Variants in L3MBTL4 observed in about 807,000 individuals in gnomAD.
The protein encoded by L3MBTL4 is L3MBTL histone methyl-lysine binding protein 4.
A neutral mutation model predicts 84.5 loss-of-function variants in L3MBTL4; 70 were observed. The ratio of observed to expected loss-of-function variants is 0.83; its 90% CI spans 0.68 to 1.01. The LOEUF (loss-of-function observed/expected upper bound fraction) is 1.01, where lower values mean the gene tolerates loss of function less well. Ranked by LOEUF, L3MBTL4 falls within the 50% of genes least tolerant of loss-of-function variation. L3MBTL4 has a pLI of 0.00. For missense variants in L3MBTL4, 715 were observed against 754.8 expected (o/e 0.95, Z 0.62); for synonymous variants, 274 against 259.8 (o/e 1.05, Z -0.52).
intron 13 of L3MBTL4, among the ~76,000 whole-genome samples, chr18:6,162,608 C>T (rs1277330344): frequency 1.3e-5 from 2 of 152,130 alleles, no homozygotes; most frequent in Admixed American, 6.5e-5. Flanking sequence ...ATAAGATTAA[C>T]CCATTGACTC....
chr18:6,276,386 C>A (rs1047745043), intron 4 of L3MBTL4, among the ~76,000 whole-genome samples: 5 of 152,130 alleles, frequency 3.3e-5, no homozygotes, highest in African/African-American at 1.2e-4. Context: ...ATGAGACAGA[C>A]CCTGTGTTAG....
chr18:6,275,043 T>C (rs1162919088), intron 4 of L3MBTL4, among the ~76,000 whole-genome samples: 3 of 152,124 alleles, frequency 2.0e-5, no homozygotes, highest in African/African-American at 4.8e-5. Context: ...CAAAGGCATC[T>C]AAAGGAGACT....
intron 1 of L3MBTL4, among the ~76,000 whole-genome samples, chr18:6,332,971 G>A (rs899840748): frequency 2.6e-5 from 4 of 152,076 alleles, no homozygotes; most frequent in South Asian, 2.1e-4. Flanking sequence ...TAATCCCAAC[G>A]TTACTCTAAC....
chr18:6,322,084 T>G (rs544360610), intron 1 of L3MBTL4, among the ~76,000 whole-genome samples: 1 of 151,810 alleles, frequency 6.6e-6, no homozygotes, highest in Non-Finnish European at 1.5e-5. Context: ...AGGATGGGCA[T>G]GGTGGCTCAC....
At chr18:6,383,832 A>G (rs1379110827) in intron 1 of L3MBTL4, among the ~76,000 whole-genome samples, 1 of 152,212 alleles carries the variant, frequency 6.6e-6, no homozygotes, top group Non-Finnish European at 1.5e-5. Flanking sequence ...TACAATCTGC[A>G]TGAATGTTAT....
At chr18:6,342,027 CAACA>C (rs2052631271) in intron 1 of L3MBTL4, among the ~76,000 whole-genome samples, 1 of 152,044 alleles carries the variant, frequency 6.6e-6, no homozygotes, top group Admixed American at 6.6e-5. Context: ...ACTAAAAATA[CAACA>C]AAAGGTGTCC....
intron 4 of L3MBTL4, among the ~76,000 whole-genome samples, chr18:6,295,957 A>G (rs2050092676): frequency 6.6e-6 from 1 of 152,234 alleles, no homozygotes; most frequent in African/African-American, 2.4e-5. Context: ...CTGTATTAAT[A>G]GGACTTGAAT....
chr18:6,224,401 C>T (rs1374570127), intron 10 of L3MBTL4, among the ~76,000 whole-genome samples: 3 of 152,214 alleles, frequency 2.0e-5, no homozygotes, highest in Non-Finnish European at 4.4e-5. Flanking sequence ...GGGCTAAACA[C>T]AGACACTGGT....
chr18:6,303,811 G>A (rs936614370), intron 3 of L3MBTL4, among the ~76,000 whole-genome samples: 1 of 152,044 alleles, frequency 6.6e-6, no homozygotes. Flanking sequence ...TCAGGAGTTC[G>A]AGACCAGCCT....
chr18:6,247,474 T>G (rs1462882396), intron 5 of L3MBTL4, among the ~76,000 whole-genome samples: 1 of 129,356 alleles, frequency 7.7e-6, no homozygotes, highest in African/African-American at 3.1e-5. Flanking sequence ...TGATTTTTTT[T>G]TTTTTTTTTT....
chr18:6,322,452 AGGAT>A (rs1368467606), intron 1 of L3MBTL4, among the ~76,000 whole-genome samples: 11 of 125,914 alleles, frequency 8.7e-5, no homozygotes, highest in Non-Finnish European at 1.2e-4. Context: ...GAAAGAAGGA[AGGAT>A]GGAAGGAAGG....
At chr18:6,030,349 TAGCA>T (rs1252268822) in intron 16 of L3MBTL4, 1 of 974,878 alleles carries the variant, frequency 1.0e-6, no homozygotes, top group African/African-American at 2.1e-5. Context: ...AACAAATAGC[TAGCA>T]AAAATCCTAG....
intron 16 of L3MBTL4, among the ~76,000 whole-genome samples, chr18:5,995,629 T>C (rs911151865): frequency 6.6e-6 from 1 of 152,160 alleles, no homozygotes; most frequent in Non-Finnish European, 1.5e-5. Flanking sequence ...CCTTCGCACT[T>C]CTGGAGAGAC....
At chr18:6,253,556 G>A (rs1216544949) in intron 5 of L3MBTL4, among the ~76,000 whole-genome samples, 8 of 152,178 alleles carry the variant, frequency 5.3e-5, no homozygotes, top group Non-Finnish European at 1.0e-4. Flanking sequence ...TTAAGGTGGT[G>A]CCCACATTTC....
intron 5 of L3MBTL4, chr18:6,259,263 G>C (rs1490872253): frequency 6.6e-6 from 1 of 152,276 alleles, no homozygotes; most frequent in Non-Finnish European, 1.5e-5. Context: ...AATGGAAAGA[G>C]GATGACACCA....
intron 18 of L3MBTL4, among the ~76,000 whole-genome samples, chr18:5,959,268 C>T (rs2095250138): frequency 6.6e-6 from 1 of 152,160 alleles, no homozygotes; most frequent in Non-Finnish European, 1.5e-5. Context: ...TCCGACTTTT[C>T]TTGCCCTTTT....
chr18:6,224,653 C>T (rs1195412466), intron 10 of L3MBTL4, among the ~76,000 whole-genome samples: 1 of 152,170 alleles, frequency 6.6e-6, no homozygotes, highest in Non-Finnish European at 1.5e-5. Flanking sequence ...CATCCATTCT[C>T]ACCATACACA....
intron 15 of L3MBTL4, among the ~76,000 whole-genome samples, chr18:6,088,487 G>A (rs1190819936): frequency 6.6e-6 from 1 of 152,144 alleles, no homozygotes; most frequent in Non-Finnish European, 1.5e-5. Flanking sequence ...GCAGGCAGGA[G>A]TAAATGAGGT....
intron 12 of L3MBTL4, among the ~76,000 whole-genome samples, chr18:6,197,414 C>T (rs1187876308): frequency 6.6e-6 from 1 of 152,152 alleles, no homozygotes; most frequent in Non-Finnish European, 1.5e-5. Context: ...GCTTCCAGCT[C>T]CATCCATGTC....
Sources: allele counts gnomAD v4.1 joint callset (sites outside exome capture counted in the v4.1 genomes callset), GRCh38; gene constraint gnomAD v4.1.1; transcripts MANE v1.5; gene names NCBI Gene and HGNC (gene_info 2026-07-23, HGNC 2026-07-21).